Variants in EPHB2 observed in about 807,000 individuals in gnomAD.
EPHB2 encodes ephrin type-B receptor 2.
A neutral mutation model predicts 96.4 loss-of-function variants in EPHB2; 18 were observed. That is an observed-to-expected ratio of 0.19 (90% CI 0.13 to 0.28). EPHB2 has a LOEUF of 0.28. EPHB2 is among the 10% of genes least tolerant of loss of function. The pLI is 1.00. For synonymous variants in EPHB2, 506 were observed against 534.1 expected (o/e 0.95, Z 0.72); for missense variants, 989 against 1,355.4 (o/e 0.73, Z 4.25).
chr1:22,894,951 G>T (rs979179572), intron 7 of EPHB2, among the ~76,000 whole-genome samples: 4 of 152,192 alleles, frequency 2.6e-5, no homozygotes, highest in Non-Finnish European at 5.9e-5. Flanking sequence ...TAGGTGCCAG[G>T]TGTTGTTCTA....
intron 1 of EPHB2, among the ~76,000 whole-genome samples, chr1:22,731,110 G>C (rs1293028763): frequency 2.0e-5 from 3 of 152,206 alleles, no homozygotes; most frequent in Non-Finnish European, 4.4e-5. Flanking sequence ...AGGAGGCTCT[G>C]TTGGCATTTT....
intron 1 of EPHB2, among the ~76,000 whole-genome samples, chr1:22,765,802 T>C (rs556099100): frequency 6.6e-6 from 1 of 152,230 alleles, no homozygotes; most frequent in Non-Finnish European, 1.5e-5. Context: ...GCTCATGATG[T>C]GACCCCTTCA....
intron 3 of EPHB2, among the ~76,000 whole-genome samples, chr1:22,785,811 T>A (rs1203561062): frequency 6.6e-6 from 1 of 152,238 alleles, no homozygotes; most frequent in East Asian, 1.9e-4. Flanking sequence ...CGACTCCCCC[T>A]TGTACTATGT....
At chr1:22,849,709 G>A (rs1219604436) in intron 3 of EPHB2, among the ~76,000 whole-genome samples, 2 of 152,200 alleles carry the variant, frequency 1.3e-5, no homozygotes, top group East Asian at 3.8e-4. Flanking sequence ...AAGACTCTAA[G>A]TCGGCACAGG....
At chr1:22,880,145 G>A (rs1231715970) in intron 5 of EPHB2, among the ~76,000 whole-genome samples, 1 of 152,142 alleles carries the variant, frequency 6.6e-6, no homozygotes, top group Non-Finnish European at 1.5e-5. Flanking sequence ...GTGCCCAGGA[G>A]GAAGCCAGGT....
intron 1 of EPHB2, among the ~76,000 whole-genome samples, chr1:22,745,278 C>T (rs1643956367): frequency 6.6e-6 from 1 of 152,232 alleles, no homozygotes; most frequent in Admixed American, 6.5e-5. Context: ...CAACAAGCTG[C>T]TGATAACACG....
At chr1:22,763,752 G>A (rs1015142822) in intron 1 of EPHB2, among the ~76,000 whole-genome samples, 1 of 152,156 alleles carries the variant, frequency 6.6e-6, no homozygotes, top group East Asian at 1.9e-4. Context: ...AGCCCTGGAG[G>A]TTAGACTTCT....
chr1:22,907,046 G>T, intron 11 of EPHB2, 89 bp downstream of exon 11: 1 of 1,476,618 alleles, frequency 6.8e-7, no homozygotes, highest in Non-Finnish European at 9.0e-7. Flanking sequence ...GCCTGAAGGG[G>T]TCTTGGAAAA....
In EPHB2 at chr1:22,918,235, C is replaced by T. The variant is rs550202509; in HGVS notation, c.*4665C>T. On this transcript the variant is annotated 3_prime_UTR_variant, in exon 16 of 16. Transcript: ENST00000374630. The surrounding 1 kb of genome is among the most constrained non-coding windows in gnomAD (Gnocchi z 4.2). ...CTGCTTCAGTTTCCATCCTCACTGA[C>T]GCAGATAATCCAAAGAGTCACTTCA... The T allele has an allele frequency of 3.0e-4, 45 of 152,264 alleles. No homozygotes were observed. The highest frequency in any genetic ancestry group is 1.0e-3 in the African/African-American group (43 of 41,534). The allele number at this position is 152,264 out of a possible 1,614,324, so 9.4% of individuals were successfully genotyped here.
chr1:22,816,092 A>G (rs1332541468), intron 3 of EPHB2, among the ~76,000 whole-genome samples: 1 of 152,144 alleles, frequency 6.6e-6, no homozygotes, highest in Non-Finnish European at 1.5e-5. Flanking sequence ...CCTGTGCTGC[A>G]AGCCTAACTG....
Position 22,784,240 on chromosome 1 carries a change from G to A in EPHB2, c.127-152G>A. ...GATGTGTGCCTTTCCCACCTGATTG[G>A]CATGTCTCCCCCATCAGATTGGGAA... On this transcript the variant is annotated intron_variant, in intron 2 of 15. Transcript: ENST00000374630. The surrounding 1 kb of genome is among the most constrained non-coding windows in gnomAD (Gnocchi z 5.1). 1 of 734,638 alleles carries A rather than the reference G, an allele frequency of 1.4e-6. No homozygotes were observed. 45.5% of individuals were successfully genotyped at this position (734,638 alleles called of 1,614,324 possible).
intron 3 of EPHB2, among the ~76,000 whole-genome samples, chr1:22,841,826 G>C (rs1645473745): frequency 6.6e-6 from 1 of 152,212 alleles, no homozygotes; most frequent in African/African-American, 2.4e-5. Context: ...AAGGCCTGCT[G>C]TCTCCAGGAG....
intron 3 of EPHB2, among the ~76,000 whole-genome samples, chr1:22,853,212 G>T (rs1372595097): frequency 1.3e-5 from 2 of 152,372 alleles, no homozygotes; most frequent in South Asian, 2.1e-4. Flanking sequence ...AATTAGCCGG[G>T]TGTGGTGGCG....
In EPHB2 at chr1:22,898,140, G is replaced by C. The variant is rs369524933; in HGVS notation, c.1765+1662G>C. 2.3e-4 allele frequency among the ~76,000 whole-genome samples: 34 copies of C among 147,938 alleles called. No homozygotes were observed. The East Asian group carries it at 6.2e-3, about 27-fold the overall frequency. On this transcript the variant is annotated intron_variant, in intron 9 of 15. Transcript: ENST00000374630. ...TCTCAAAAAAAAAAAAAAAACAAAA[G>C]AAAAAAGAAGAAAAGAAAGAAAGAA...
Position 22,908,116 on chromosome 1 carries a change from T to A in EPHB2, c.2300T>A (p.Leu767His). ...GTCTGCAAGGTGTCGGACTTTGGGCTCTCACGCTTTCTAGAGGACGATACC... is the reference window on the plus strand; with the variant it reads ...GTCTGCAAGGTGTCGGACTTTGGGCACTCACGCTTTCTAGAGGACGATACC... ...NLVCKVSDFGLSRFLEDDTSD... is the reference protein window; with the variant it reads ...NLVCKVSDFGHSRFLEDDTSD... The change falls in exon 12 of 16, where the codon CTC (leucine) becomes CAC (histidine). Residue 767 changes from leucine (L) to histidine (H), a missense_variant. Transcript: ENST00000374630. The A allele has an allele frequency of 6.2e-7, 1 of 1,614,196 alleles. No individual in the cohort carries two copies. The highest frequency in any genetic ancestry group is 8.5e-7 in the Non-Finnish European group (1 of 1,180,040).
At position 22,859,106 on chromosome 1, in the gene EPHB2, C is replaced by A. The variant is rs1645750718; in HGVS notation, c.812-3931C>A. ...TGAGCCAAGATCATGCCACTGCACT[C>A]CAGCCTGGTCAACACAGCGAGACTC... is the stretch of plus-strand genomic sequence containing the variant. On this transcript the variant is annotated intron_variant, in intron 3 of 15. Coordinates refer to ENST00000374630, the MANE Select transcript of EPHB2 (RefSeq NM_017449.5). Among the ~76,000 whole-genome samples the A allele has an allele frequency of 2.6e-5, 4 of 152,146 alleles. No individual in the cohort carries two copies. The South Asian group carries it at 8.3e-4, about 32-fold the overall frequency.
intron 3 of EPHB2, among the ~76,000 whole-genome samples, chr1:22,806,189 G>T (rs1187410072): frequency 1.3e-5 from 2 of 152,212 alleles, no homozygotes; most frequent in African/African-American, 4.8e-5. Flanking sequence ...TGTTTGTAAA[G>T]TGCACAGGGC....
intron 1 of EPHB2, among the ~76,000 whole-genome samples, chr1:22,721,488 T>C (rs1350264668): frequency 6.6e-6 from 1 of 152,118 alleles, no homozygotes; most frequent in Non-Finnish European, 1.5e-5. Context: ...GTTGGAAGTA[T>C]AATAGTGCCC....
chr1:22,751,488 A>G (rs1561622), intron 1 of EPHB2, among the ~76,000 whole-genome samples: 22,890 of 152,174 alleles, frequency 0.15, 2,075 homozygotes, highest in East Asian at 0.28. Context: ...GTATGTCTTT[A>G]CCTTGTCTTC....
Sources: gnomAD v4.1 joint callset for allele counts (sites outside exome capture counted in the v4.1 genomes callset) on GRCh38, gnomAD v4.1.1 for gene constraint, Gnocchi (gnomAD v3.1) non-coding constraint, MANE v1.5 for transcripts, NCBI Gene and HGNC (gene_info 2026-07-23, HGNC 2026-07-21) for gene names.